Variants in ATAD2B observed in about 807,000 individuals in gnomAD.
The protein encoded by ATAD2B is ATPase family AAA domain-containing protein 2B.
In ATAD2B, 40 loss-of-function variants were observed where a neutral mutation model predicts 167.6. The observed-to-expected ratio is 0.24, with a 90% CI of 0.19 to 0.31. The LOEUF (loss-of-function observed/expected upper bound fraction) is 0.31. Ranked by LOEUF, ATAD2B falls within the 10% of genes least tolerant of loss-of-function variation. The probability of loss-of-function intolerance (pLI) is 1.00; values close to 1 mark genes in which losing one functional copy is unlikely to be tolerated. For missense variants in ATAD2B, 1,242 were observed against 1,757.2 expected, an observed-to-expected ratio of 0.71 and a Z score of 5.24; for synonymous variants, 579 against 596.5, an observed-to-expected ratio of 0.97 and a Z score of 0.43.
chr2:23,788,497 C>T lies in ATAD2B; in HGVS notation c.2776+15G>A. ...TCCATCCCTCCCATTTTCCTAAAGG[C>T]TTTACAAACTTTACCAGCATGTTTC... On this transcript the variant is annotated intron_variant, in intron 20 of 27. Transcript: ENST00000238789. 6.2e-7 allele frequency: 1 copy of T among 1,611,066 alleles called. No homozygotes were observed. Among genetic ancestry groups the T allele is most frequent in the East Asian group, 2.2e-5 (1 of 44,850 alleles).
intron 21 of ATAD2B, among the ~76,000 whole-genome samples, chr2:23,785,370 A>G (rs1680667645): frequency 6.6e-6 from 1 of 152,154 alleles, no homozygotes; most frequent in African/African-American, 2.4e-5. Flanking sequence ...TCCCAGGATA[A>G]AACAAAAACC....
the ATAD2B span, chr2:23,696,918 A>C: frequency 5.7e-6 from 1 of 174,358 alleles, no homozygotes; most frequent in Non-Finnish European, 1.2e-5. The surrounding 1 kb of genome is among the most constrained non-coding windows in gnomAD (Gnocchi z 5.5). Flanking sequence ...GCTGGAAGCA[A>C]TGTTTAAAAT....
intron 12 of ATAD2B, among the ~76,000 whole-genome samples, chr2:23,858,210 T>C (rs1295122542): frequency 2.0e-5 from 3 of 151,918 alleles, no homozygotes; most frequent in African/African-American, 7.3e-5. Context: ...AACCTCCGCC[T>C]CCCGGGTTCA....
At chr2:23,918,745 T>C (rs1192281101) in intron 1 of ATAD2B, among the ~76,000 whole-genome samples, 2 of 152,186 alleles carry the variant, frequency 1.3e-5, no homozygotes, top group South Asian at 2.1e-4. Flanking sequence ...AAACTACTGA[T>C]TGAACAACAT....
intron 18 of ATAD2B, chr2:23,809,196 C>T (rs1427520438): frequency 6.6e-6 from 1 of 152,026 alleles, no homozygotes; most frequent in African/African-American, 2.4e-5. Flanking sequence ...AAAATATGAG[C>T]AAACATATAA....
At chr2:23,819,288 C>T (rs973536886) in intron 17 of ATAD2B, among the ~76,000 whole-genome samples, 1 of 152,008 alleles carries the variant, frequency 6.6e-6, no homozygotes, top group Non-Finnish European at 1.5e-5. Context: ...ACCTGAGATT[C>T]GAGACCAGCC....
At chr2:23,740,450 C>T in the ATAD2B span, among the ~76,000 whole-genome samples, 1 of 149,974 alleles carries the variant, frequency 6.7e-6, no homozygotes, top group Non-Finnish European at 1.5e-5. Flanking sequence ...AAGACAAAAA[C>T]CACATGATTA....
At chr2:23,745,422 A>AAGGAAGGAAGGAAGGAAGGAAGGGG (rs1491261605), downstream of ATAD2B, among the ~76,000 whole-genome samples, 2 of 85,012 alleles carry the variant, frequency 2.4e-5, no homozygotes, top group Admixed American at 1.1e-4. Flanking sequence ...GGAAGGAAGG[A>AAGGAAGGAAGGAAGGAAGGAAGGGG]AAGGGAAGGG....
intron 1 of ATAD2B, among the ~76,000 whole-genome samples, chr2:23,922,701 C>CAAA (rs11386515): frequency 3.2e-5 from 4 of 126,460 alleles, no homozygotes; most frequent in African/African-American, 6.4e-5. Context: ...GACTCTGTCT[C>CAAA]AAAAAAAAAA....
At chr2:23,792,124 G>A (rs1681842036) in intron 19 of ATAD2B, among the ~76,000 whole-genome samples, 1 of 150,636 alleles carries the variant, frequency 6.6e-6, no homozygotes, top group South Asian at 2.1e-4. Context: ...GTGCAGTGGT[G>A]CAATCTCGGC....
Position 23,926,604 on chromosome 2 carries a change from G to A in ATAD2B, c.167C>T (p.Ala56Val), listed in dbSNP as rs567896697. Residue 56 changes from alanine to valine, a missense_variant, in exon 1 of 28, where the codon GCC (alanine) becomes GTC (valine). This residue lies in a region of ATAD2B where 199 missense variants were observed against 194.9 expected (regional missense o/e 1.02). Coordinates refer to ENST00000238789, the MANE Select transcript of ATAD2B (RefSeq NM_017552.4). ...SKTRAASCPA[A>V]KAGGSGGAGV... ...GGCGCCACCGCTTCCCCCGGCTTTG[G>A]CGGCGGGGCAGCTGGCGGCGCGGGT... is the stretch of plus-strand genomic sequence containing the variant. 3 of 1,563,682 alleles carry A rather than the reference G, an allele frequency of 1.9e-6. No homozygotes were observed. The highest frequency in any genetic ancestry group is 1.4e-5 in the African/African-American group (1 of 73,720).
intron 17 of ATAD2B, among the ~76,000 whole-genome samples, chr2:23,817,120 T>G (rs1686566594): frequency 6.6e-6 from 1 of 152,298 alleles, no homozygotes; most frequent in South Asian, 2.1e-4. Flanking sequence ...AATTCTAAAG[T>G]GTATGCTTCT....
At chr2:23,877,768 G>C (rs1020546605) in intron 7 of ATAD2B, among the ~76,000 whole-genome samples, 1 of 150,544 alleles carries the variant, frequency 6.6e-6, no homozygotes, top group Non-Finnish European at 1.5e-5. Flanking sequence ...GCTGAGGCAG[G>C]AGAATCACTT....
At chr2:23,720,241 AC>A in the ATAD2B span, among the ~76,000 whole-genome samples, 1 of 152,194 alleles carries the variant, frequency 6.6e-6, no homozygotes, top group Non-Finnish European at 1.5e-5. Flanking sequence ...GTGCTGGAGT[AC>A]AGCAGAGGAG....
intron 1 of ATAD2B, among the ~76,000 whole-genome samples, chr2:23,921,079 G>T (rs1264527917): frequency 6.6e-6 from 1 of 151,694 alleles, no homozygotes; most frequent in Non-Finnish European, 1.5e-5. Flanking sequence ...GGTGGCAGGC[G>T]CCTGTAATGC....
At chr2:23,732,983 T>C in the ATAD2B span, among the ~76,000 whole-genome samples, 2 of 152,182 alleles carry the variant, frequency 1.3e-5, no homozygotes, top group Admixed American at 6.5e-5. Flanking sequence ...AGGGTGATAA[T>C]AGTATCTAAT....
chr2:23,763,208 G>A (rs1006582686), intron 23 of ATAD2B, among the ~76,000 whole-genome samples: 13 of 152,176 alleles, frequency 8.5e-5, no homozygotes, highest in South Asian at 2.1e-4. Context: ...TAATATGGCA[G>A]CCAGTTTTTA....
At chr2:23,839,879 C>A (rs531148591) in intron 13 of ATAD2B, among the ~76,000 whole-genome samples, 1 of 152,130 alleles carries the variant, frequency 6.6e-6, no homozygotes, top group Admixed American at 6.6e-5. Context: ...CCCATACTGA[C>A]CCTCCTTGGC....
At chr2:23,758,838 G>A (rs1676273912) in intron 24 of ATAD2B, among the ~76,000 whole-genome samples, 2 of 152,132 alleles carry the variant, frequency 1.3e-5, no homozygotes, top group South Asian at 4.1e-4. Flanking sequence ...TAAATACTTG[G>A]TCACTTATGT....
Sources: gnomAD v4.1 joint callset for allele counts (sites outside exome capture counted in the v4.1 genomes callset) on GRCh38, gnomAD v4.1.1 for gene constraint, gnomAD v4.1.1 regional missense constraint, Gnocchi (gnomAD v3.1) non-coding constraint, MANE v1.5 for transcripts, NCBI Gene and HGNC (gene_info 2026-07-23, HGNC 2026-07-21) for gene names.